Variants in TTC29 observed in about 807,000 individuals in gnomAD.
TTC29 encodes tetratricopeptide repeat domain 29, also known as tetratricopeptide repeat protein 29.
In TTC29, 49 loss-of-function variants were observed where a neutral mutation model predicts 58.1. The observed-to-expected ratio is 0.84, with a 90% CI of 0.67 to 1.07. The LOEUF (loss-of-function observed/expected upper bound fraction) is 1.07. Ranked by LOEUF, TTC29 falls within the 50% of genes least tolerant of loss-of-function variation. The pLI is 0.00. For synonymous variants in TTC29, 209 were observed against 196.8 expected, an observed-to-expected ratio of 1.06 and a Z score of -0.52; for missense variants, 582 against 555.6, an observed-to-expected ratio of 1.05 and a Z score of -0.48.
At chr4:146,858,876 A>G (rs754069988) in intron 8 of TTC29, among the ~76,000 whole-genome samples, 6 of 152,194 alleles carry the variant, frequency 3.9e-5, no homozygotes. Flanking sequence ...TTTAGAGCCC[A>G]TCAATTAATG....
At chr4:146,867,201 C>T (rs1579864109) in intron 8 of TTC29, among the ~76,000 whole-genome samples, 1 of 152,236 alleles carries the variant, frequency 6.6e-6, no homozygotes, top group East Asian at 1.9e-4. Context: ...AAACCTATTT[C>T]CTCTTGTCCT....
chr4:146,873,404 T>C (rs1386992600), intron 7 of TTC29, among the ~76,000 whole-genome samples: 1 of 152,216 alleles, frequency 6.6e-6, no homozygotes, highest in Non-Finnish European at 1.5e-5. Flanking sequence ...GAAGTAAGTC[T>C]TCTCTTCTCC....
intron 4 of TTC29, among the ~76,000 whole-genome samples, chr4:146,926,511 C>T (rs1317802619): frequency 4.6e-5 from 7 of 151,878 alleles, no homozygotes; most frequent in Admixed American, 1.3e-4. Context: ...CCTGCCTTGT[C>T]GCCCAGGCTG....
chr4:146,762,352 T>C (rs1177500647), intron 11 of TTC29, among the ~76,000 whole-genome samples: 1 of 151,444 alleles, frequency 6.6e-6, no homozygotes, highest in Non-Finnish European at 1.5e-5. Context: ...ATTTCTTTTT[T>C]TTTTTTTTTT....
At chr4:146,829,922 C>T (rs899988485) in intron 9 of TTC29, among the ~76,000 whole-genome samples, 10 of 152,070 alleles carry the variant, frequency 6.6e-5, no homozygotes, top group African/African-American at 2.2e-4. Flanking sequence ...TGTGGCATTT[C>T]TGTAAATGAA....
intron 8 of TTC29, among the ~76,000 whole-genome samples, chr4:146,852,377 T>C (rs538471032): frequency 1.3e-5 from 2 of 152,284 alleles, no homozygotes; most frequent in African/African-American, 4.8e-5. Context: ...CTCTACCAAT[T>C]ACAACAACAT....
At chr4:146,711,517 C>T (rs1004159011) in intron 11 of TTC29, among the ~76,000 whole-genome samples, 4 of 152,122 alleles carry the variant, frequency 2.6e-5, no homozygotes, top group African/African-American at 7.2e-5. Context: ...AAAGACTGTG[C>T]TTTCTGTTGA....
At position 146,820,225 on chromosome 4, in the gene TTC29, A is replaced by T. The variant is rs774455160; in HGVS notation, c.1001T>A (p.Ile334Asn). Residue 334 changes from isoleucine (I) to asparagine (N), a missense_variant, in exon 10 of 13, where the codon ATT becomes AAT. Physicochemically the swap from Ile to Asn is moderately radical, Grantham distance 149 (BLOSUM62 -3). Coordinates refer to ENST00000325106, the MANE Select transcript of TTC29 (RefSeq NM_031956.4). ...LQSQGEMTEA[I>N]KYLKKFVKIA... is the part of the protein sequence containing the mutation. ...TTTCACAAATTTTTTCAAGTATTTA[A>T]TTGCTTCTGTCATCTCTCCTTGGCT... 7 of 1,612,466 alleles carry T rather than the reference A, an allele frequency of 4.3e-6. No individual in the cohort carries two copies. The East Asian group carries it at 1.6e-4, about 36-fold the overall frequency.
intron 11 of TTC29, among the ~76,000 whole-genome samples, chr4:146,798,662 A>G (rs569479084): frequency 3.9e-5 from 6 of 152,014 alleles, no homozygotes; most frequent in East Asian, 1.9e-4. Context: ...AGGCCGAGGC[A>G]GGTGGATCAC....
chr4:146,779,159 A>G lies in TTC29; in HGVS notation c.1330+24298T>C, dbSNP rs1000265567. Among the ~76,000 whole-genome samples the G allele has an allele frequency of 7.2e-5, 11 of 152,142 alleles. No individual in the cohort carries two copies. The South Asian group carries it at 2.3e-3, about 32-fold the overall frequency. On this transcript the variant is annotated intron_variant, in intron 11 of 12. Coordinates refer to ENST00000325106, the MANE Select transcript of TTC29 (RefSeq NM_031956.4). ...AAATAATTTATAGCTATAAGAATAAATGTCATATTCCAGAATTATTGTATG... is the reference window on the plus strand; with the variant it reads ...AAATAATTTATAGCTATAAGAATAAGTGTCATATTCCAGAATTATTGTATG...
chr4:146,765,240 A>G (rs1747217598), intron 11 of TTC29, among the ~76,000 whole-genome samples: 1 of 152,138 alleles, frequency 6.6e-6, no homozygotes, highest in South Asian at 2.1e-4. Context: ...TCCTCAATAT[A>G]AAAAAGAGAG....
chr4:146,809,985 T>C (rs1750902385), intron 10 of TTC29, among the ~76,000 whole-genome samples: 2 of 152,066 alleles, frequency 1.3e-5, no homozygotes. Flanking sequence ...GCAGCACTGT[T>C]CACAATAGCA....
At chr4:146,833,620 A>G (rs943216341) in intron 9 of TTC29, among the ~76,000 whole-genome samples, 186 bp downstream of exon 9, 1 of 152,236 alleles carries the variant, frequency 6.6e-6, no homozygotes, top group Non-Finnish European at 1.5e-5. Flanking sequence ...GACAAAGAAG[A>G]GTTTAGATGC....
intron 8 of TTC29, among the ~76,000 whole-genome samples, chr4:146,867,234 G>A (rs1401924215): frequency 6.6e-6 from 1 of 151,962 alleles, no homozygotes; most frequent in Non-Finnish European, 1.5e-5. Context: ...CATATGGAGG[G>A]CCATATTACT....
rs149751399 is a variant in TTC29 at position 146,925,082 on chromosome 4, G to T, written c.176+12512C>A. Among the ~76,000 whole-genome samples the T allele has an allele frequency of 1.5e-3, 229 of 152,082 alleles. 1 individual carries two copies. Among genetic ancestry groups the T allele is most frequent in the African/African-American group, 5.2e-3 (215 of 41,534 alleles). ...TCCTGTAGGAGAACACAGTTGGAAG[G>T]ATTTAAATTGTTTAAACATGTTAAA... is the stretch of plus-strand genomic sequence containing the variant. On this transcript the variant is annotated intron_variant, in intron 4 of 12. Transcript: ENST00000325106.
chr4:146,777,199 G>A lies in TTC29; in HGVS notation c.1330+26258C>T, dbSNP rs368406031. Among the ~76,000 whole-genome samples the A allele has an allele frequency of 3.3e-5, 5 of 152,222 alleles. No individual in the cohort carries two copies. In the East Asian group the frequency reaches 7.7e-4, roughly 24 times the overall value. On this transcript the variant is annotated intron_variant, in intron 11 of 12. Coordinates refer to ENST00000325106, the MANE Select transcript of TTC29 (RefSeq NM_031956.4). ...CTGAGGCGGAAGATATTAGGTTCGC[G>A]CACAAGTAATGGGAAAAACCGCAAT...
At chr4:146,933,703 G>T (rs528735511) in intron 4 of TTC29, among the ~76,000 whole-genome samples, 10 of 152,258 alleles carry the variant, frequency 6.6e-5, no homozygotes, top group Admixed American at 2.0e-4. Context: ...TTTTTTAAAT[G>T]CACCTATAAG....
chr4:146,776,256 C>T (rs1035945254), intron 11 of TTC29, among the ~76,000 whole-genome samples: 1 of 152,096 alleles, frequency 6.6e-6, no homozygotes, highest in Non-Finnish European at 1.5e-5. Flanking sequence ...CGATGATCTT[C>T]ACTCCTATCC....
chr4:146,807,424 C>A (rs1456715208), intron 10 of TTC29, among the ~76,000 whole-genome samples: 1 of 151,962 alleles, frequency 6.6e-6, no homozygotes, highest in Non-Finnish European at 1.5e-5. Flanking sequence ...ACACAAAAAA[C>A]CCTTCAAAAA....
Sources: gnomAD v4.1 joint callset for allele counts (sites outside exome capture counted in the v4.1 genomes callset) on GRCh38, gnomAD v4.1.1 for gene constraint, MANE v1.5 for transcripts, NCBI Gene and HGNC (gene_info 2026-07-23, HGNC 2026-07-21) for gene names.